Variants in CRELD2 observed in about 807,000 individuals in gnomAD.
CRELD2 encodes the protein protein disulfide isomerase CRELD2.
A neutral mutation model predicts 48.1 loss-of-function variants in CRELD2; 33 were observed. The observed-to-expected ratio is 0.69, with a 90% CI of 0.52 to 0.92. The LOEUF (loss-of-function observed/expected upper bound fraction) is 0.92. Ranked by LOEUF, CRELD2 falls within the 40% of genes least tolerant of loss-of-function variation. CRELD2 has a pLI of 0.00. For synonymous variants in CRELD2, 220 were observed against 203.9 expected (o/e 1.08, Z -0.67); for missense variants, 477 against 482.4 (o/e 0.99, Z 0.10).
chr22:49,919,538 A>C (rs545983746), intron 2 of CRELD2, among the ~76,000 whole-genome samples, 192 bp from the exon 3 acceptor site: 19 of 152,318 alleles, frequency 1.2e-4, no homozygotes, highest in Middle Eastern at 6.8e-3. Context: ...GTGGCTTTTC[A>C]AAATGTAAAC....
At chr22:49,923,762 C>A (rs62233964) in intron 7 of CRELD2, 2 of 298,388 alleles carry the variant, frequency 6.7e-6, no homozygotes, top group Non-Finnish European at 1.3e-5. Flanking sequence ...AGTTTTTCAA[C>A]TTATAAACTG....
chr22:49,920,883 C>T (rs1240015198), intron 4 of CRELD2, among the ~76,000 whole-genome samples: 1 of 152,270 alleles, frequency 6.6e-6, no homozygotes, highest in Non-Finnish European at 1.5e-5. Context: ...CTGGAGGCCG[C>T]AGCTAATGTT....
chr22:49,927,173 C>A, intron 9 of CRELD2, 82 bp from the exon 10 acceptor site: 1 of 1,263,394 alleles, frequency 7.9e-7, no homozygotes, highest in Non-Finnish European at 1.2e-6. Context: ...AGGCCCTGCA[C>A]ATGCGCTGCT....
rs771591825 is a variant in CRELD2, at chr22:49,925,540, T to C, written c.992T>C (p.Val331Ala). 1 of 1,613,794 alleles carries C rather than the reference T, an allele frequency of 6.2e-7. No individual in the cohort carries two copies. The highest frequency in any genetic ancestry group is 1.7e-5 in the Admixed American group (1 of 60,030). Reference protein sequence around the residue: ...DGFEETEDACVPPAEAEATEG... With the variant: ...DGFEETEDACAPPAEAEATEG... ...TTCGAAGAAACGGAAGATGCCTGTG[T>C]GCCGCCGGCAGAGGCTGGTGAGTGG... The change falls in exon 9 of 10, where the codon GTG becomes GCG. Residue 331 changes from valine (V) to alanine (A), a missense_variant. Val to Ala is a moderately conservative substitution (Grantham distance 64). Transcript: ENST00000328268.
At chr22:49,922,230 T>A in intron 5 of CRELD2, 1 of 1,522,354 alleles carries the variant, frequency 6.6e-7, no homozygotes. Flanking sequence ...CCTAGGCTAT[T>A]CTGGGCAGAC....
At position 49,923,316 on chromosome 22, in the gene CRELD2, A is replaced by G; in HGVS notation, c.771A>G (p.Glu257=). Residue 257 remains glutamate, a splice_region_variant and synonymous_variant, in exon 7 of 10, where the codon GAA becomes GAG. Coordinates refer to ENST00000328268, the MANE Select transcript of CRELD2 (RefSeq NM_024324.5). ...ACGCCAACGGCTCCTACACGTGCGA[A>G]GGTGGGCCAGGCGGGCGGGTCTGCA... ...CKNANGSYTC[E]ECDSSCVGCT... is the part of the protein sequence containing the mutation. 10 of 1,578,612 alleles carry G rather than the reference A, an allele frequency of 6.3e-6. No individual in the cohort carries two copies. The highest frequency in any genetic ancestry group is 8.6e-6 in the Non-Finnish European group (10 of 1,163,590).
Position 49,927,273 on chromosome 22 carries a change from G to A in CRELD2, c.1028G>A (p.Ser343Asn), listed in dbSNP as rs151286715. Reference sequence around the variant, plus strand: ...CTGACAGAAGCCACAGAAGGAGAAAGCCCGACACAGCTGCCCTCCCGCGAA... The same window carrying A: ...CTGACAGAAGCCACAGAAGGAGAAAACCCGACACAGCTGCCCTCCCGCGAA... ...PAEAEATEGE[S>N]PTQLPSREDL The change falls in exon 10 of 10, where the codon AGC (serine) becomes AAC (asparagine). Residue 343 changes from serine to asparagine, a missense_variant. Ser to Asn is a conservative substitution (Grantham distance 46). Transcript: ENST00000328268. 2.3e-4 allele frequency: 371 copies of A among 1,612,446 alleles called. 1 individual carries two copies. Among genetic ancestry groups the A allele is most frequent in the Non-Finnish European group, 2.9e-4 (347 of 1,179,816 alleles).
intron 9 of CRELD2, 132 bp downstream of exon 9, chr22:49,925,689 A>C (rs748366817): frequency 3.3e-6 from 5 of 1,513,068 alleles, no homozygotes. Flanking sequence ...TTCCCGGAAG[A>C]CAGGTGCATG....
intron 8 of CRELD2, 23 bp from the exon 9 acceptor site, chr22:49,925,394 A>C (rs1047302885): frequency 6.8e-7 from 1 of 1,477,256 alleles, no homozygotes; most frequent in Non-Finnish European, 9.4e-7. Flanking sequence ...AGTAATTATT[A>C]AAACGGAGTC....
chr22:49,927,433 A>G lies in CRELD2; in HGVS notation c.*126A>G, dbSNP rs927560805. Reference sequence around the variant, plus strand: ...GCCTGCTCTCTAACGGTTGATTCTCATTTGTCCCTTAAACAGCTGCATTTC... The same window carrying G: ...GCCTGCTCTCTAACGGTTGATTCTCGTTTGTCCCTTAAACAGCTGCATTTC... On this transcript the variant is annotated 3_prime_UTR_variant, in exon 10 of 10. Coordinates refer to ENST00000328268, the MANE Select transcript of CRELD2 (RefSeq NM_024324.5). 2.6e-6 allele frequency: 2 copies of G among 754,756 alleles called. No homozygotes were observed. The highest frequency in any genetic ancestry group is 4.8e-6 in the Non-Finnish European group (2 of 417,612). 46.8% of individuals were successfully genotyped at this position (754,756 alleles called of 1,614,324 possible).
intron 4 of CRELD2, among the ~76,000 whole-genome samples, chr22:49,920,828 C>T (rs1193968383): frequency 7.9e-5 from 12 of 152,248 alleles, no homozygotes; most frequent in Non-Finnish European, 1.3e-4. Flanking sequence ...CCCACCCGCC[C>T]ACCATCAGCC....
intron 1 of CRELD2, 87 bp from the exon 2 acceptor site, chr22:49,919,143 G>C (rs2060648492): frequency 1.5e-6 from 2 of 1,354,254 alleles, no homozygotes; most frequent in African/African-American, 1.5e-5. Flanking sequence ...CGTGGGCCTG[G>C]AGTCCCCTCA....
chr22:49,924,634 G>T (rs1051544223), intron 8 of CRELD2, 179 bp downstream of exon 8: 20 of 490,720 alleles, frequency 4.1e-5, no homozygotes, highest in Admixed American at 1.0e-4. Flanking sequence ...AAGCAGTGGG[G>T]GTGGGGGACG....
chr22:49,925,272 T>G, intron 8 of CRELD2, 145 bp from the exon 9 acceptor site: 1 of 640,514 alleles, frequency 1.6e-6, no homozygotes, highest in Non-Finnish European at 2.7e-6. Context: ...CTCGAAGCCT[T>G]TCCTGATCTT....
intron 6 of CRELD2, 34 bp downstream of exon 6, chr22:49,922,741 TGCGTGAGGCGTGGGGGGTGTGAGATGGGG>T (rs1472640980): frequency 2.5e-6 from 3 of 1,198,334 alleles, no homozygotes; most frequent in East Asian, 3.8e-5. Flanking sequence ...GGAGGGCGCC[TGCGTGAGGCGTGGGGGGTGTGAGATGGGG>T]GCGTAAGGCG....
Position 49,924,551 on chromosome 22 carries a change from T to C in CRELD2, c.868+96T>C, listed in dbSNP as rs116175248. ...AGGTACTGCCAGGGATGGGAAGCAG[T>C]TGAGACCCGTCCTGCAGACGTGGCT... On this transcript the variant is annotated intron_variant, in intron 8 of 9. Coordinates refer to ENST00000328268, the MANE Select transcript of CRELD2 (RefSeq NM_024324.5). 1,912 of 879,238 alleles carry C rather than the reference T, an allele frequency of 2.2e-3. 27 individuals carry two copies. In the African/African-American group the frequency reaches 0.028, roughly 13 times the overall value. The allele number at this position is 879,238 out of a possible 1,614,324, so 54.5% of individuals were successfully genotyped here.
intron 8 of CRELD2, 53 bp from the exon 9 acceptor site, chr22:49,925,364 G>A (rs1184642588): frequency 8.8e-6 from 10 of 1,142,418 alleles, no homozygotes; most frequent in East Asian, 4.8e-5. Context: ...TTCATAATCC[G>A]CTGCGCGTCT....
intron 6 of CRELD2, 108 bp downstream of exon 6, chr22:49,922,815 G>A: frequency 7.8e-6 from 1 of 128,996 alleles, no homozygotes; most frequent in African/African-American, 3.0e-5. Context: ...GGAGGCAGGG[G>A]GGCGTGAAGT....
chr22:49,925,137 A>G (rs2060746756), intron 8 of CRELD2: 2 of 259,698 alleles, frequency 7.7e-6, no homozygotes, highest in South Asian at 5.7e-5. Context: ...CCTCAAAAAA[A>G]AAAAAAAAAG....
Sources: allele counts gnomAD v4.1 joint callset (sites outside exome capture counted in the v4.1 genomes callset), GRCh38; gene constraint gnomAD v4.1.1; transcripts MANE v1.5; gene names NCBI Gene and HGNC (gene_info 2026-07-23, HGNC 2026-07-21).